Variants in MARCHF1 observed in about 807,000 individuals in gnomAD.
MARCHF1 encodes E3 ubiquitin-protein ligase MARCHF1.
MARCHF1 carries 40 observed loss-of-function variants against 54.2 expected under a neutral mutation model. The ratio of observed to expected loss-of-function variants is 0.74; its 90% CI spans 0.57 to 0.96. MARCHF1 has a LOEUF of 0.96. Among genes scored for constraint, MARCHF1 ranks in the 40% least tolerant of loss-of-function variants. The pLI is 0.00. For missense variants in MARCHF1, 586 were observed against 656.5 expected, an observed-to-expected ratio of 0.89 and a Z score of 1.17; for synonymous variants, 236 against 236.3, an observed-to-expected ratio of 1.00 and a Z score of 0.01.
chr4:164,027,943 A>C (rs985445823), intron 2 of MARCHF1, among the ~76,000 whole-genome samples: 13 of 152,166 alleles, frequency 8.5e-5, no homozygotes, highest in African/African-American at 3.1e-4. Flanking sequence ...AACACTTCTC[A>C]AAAAAAGACA....
chr4:163,689,141 A>C (rs914325278), intron 5 of MARCHF1, among the ~76,000 whole-genome samples: 1 of 152,212 alleles, frequency 6.6e-6, no homozygotes, highest in Admixed American at 6.5e-5. Context: ...TACCACAGTT[A>C]CAACAATTAG....
intron 4 of MARCHF1, among the ~76,000 whole-genome samples, chr4:163,773,507 G>A (rs1413422396): frequency 1.3e-5 from 2 of 152,156 alleles, no homozygotes; most frequent in African/African-American, 2.4e-5. Flanking sequence ...GGGCTATAAG[G>A]CAAATGCTGT....
intron 1 of MARCHF1, among the ~76,000 whole-genome samples, chr4:164,313,016 GA>G (rs76503141): frequency 0.14 from 21,838 of 150,752 alleles, 2,407 homozygotes; most frequent in East Asian, 0.42. Context: ...GTCTTTCTCT[GA>G]AAAAAATCAA....
At chr4:164,211,632 A>G (rs1216514244) in intron 1 of MARCHF1, among the ~76,000 whole-genome samples, 2 of 152,060 alleles carry the variant, frequency 1.3e-5, no homozygotes, top group Admixed American at 6.6e-5. Flanking sequence ...CCTGGGTACT[A>G]GAACTGTAGA....
chr4:163,545,768 A>T, intron 8 of MARCHF1, 25 bp from the exon 9 acceptor site: 1 of 1,607,768 alleles, frequency 6.2e-7, no homozygotes, highest in Non-Finnish European at 8.5e-7. Flanking sequence ...GAAGGACACA[A>T]AACTGAATTG....
intron 1 of MARCHF1, among the ~76,000 whole-genome samples, chr4:164,115,515 T>C (rs375261984): frequency 7.9e-5 from 12 of 152,092 alleles, no homozygotes; most frequent in East Asian, 5.8e-4. Flanking sequence ...AACTTGATAA[T>C]ATTGTGAAAG....
intron 1 of MARCHF1, among the ~76,000 whole-genome samples, chr4:164,250,234 T>C (rs1353921796): frequency 1.3e-5 from 2 of 152,052 alleles, no homozygotes; most frequent in African/African-American, 4.8e-5. Context: ...AGAATGTCAA[T>C]GGAGAGAATA....
At chr4:164,277,068 T>C (rs113324220) in intron 1 of MARCHF1, among the ~76,000 whole-genome samples, 4 of 151,854 alleles carry the variant, frequency 2.6e-5, no homozygotes, top group Non-Finnish European at 5.9e-5. Flanking sequence ...TGCTTCATCA[T>C]GCCTGTTTGC....
intron 5 of MARCHF1, among the ~76,000 whole-genome samples, chr4:163,644,772 G>T (rs1450153042): frequency 6.6e-6 from 1 of 152,164 alleles, no homozygotes; most frequent in Non-Finnish European, 1.5e-5. Context: ...GACCTGAAAG[G>T]TCCATAGATG....
chr4:163,984,789 C>A lies in MARCHF1; in HGVS notation c.-39+3712G>T, dbSNP rs545898571. Reference sequence around the variant, plus strand: ...AGCATAGTAAGTGGTGTTCACATATCTAAAAAAGAAGAATGAATTAATAGA... The same window carrying A: ...AGCATAGTAAGTGGTGTTCACATATATAAAAAAGAAGAATGAATTAATAGA... On this transcript the variant is annotated intron_variant, in intron 3 of 9. Coordinates refer to ENST00000514618, the MANE Select transcript of MARCHF1 (RefSeq NM_001394959.1). Among the ~76,000 whole-genome samples, 6 of 151,894 alleles carry A rather than the reference C, an allele frequency of 4.0e-5. No individual in the cohort carries two copies. The South Asian group carries it at 1.2e-3, about 32-fold the overall frequency.
At chr4:163,922,993 A>T (rs1053795760) in intron 3 of MARCHF1, among the ~76,000 whole-genome samples, 4 of 152,218 alleles carry the variant, frequency 2.6e-5, no homozygotes, top group African/African-American at 9.6e-5. Context: ...AAAAATTGTC[A>T]AAGAATTAGA....
intron 1 of MARCHF1, among the ~76,000 whole-genome samples, chr4:164,204,174 C>T (rs1340575897): frequency 1.3e-5 from 2 of 151,996 alleles, no homozygotes; most frequent in Non-Finnish European, 2.9e-5. Flanking sequence ...AAGTACGTGG[C>T]GTGAAGTCTC....
intron 3 of MARCHF1, among the ~76,000 whole-genome samples, chr4:163,932,123 A>G (rs1453124555): frequency 1.3e-5 from 2 of 152,214 alleles, no homozygotes; most frequent in Non-Finnish European, 2.9e-5. Context: ...TAAAAAGAAA[A>G]AAAAAAAGCT....
In MARCHF1 at chr4:163,707,986, T is replaced by A. The variant is rs1034931825; in HGVS notation, c.112-7123A>T. Among the ~76,000 whole-genome samples, 9 of 151,968 alleles carry A rather than the reference T, an allele frequency of 5.9e-5. No homozygotes were observed. In the East Asian group the frequency reaches 1.6e-3, roughly 26 times the overall value. On this transcript the variant is annotated intron_variant, in intron 4 of 9. Transcript: ENST00000514618. ...GCACAGAGGGGGGCCACAGGGAAAC[T>A]AGAAGGCTAGAAAAGGAAAACAGGA...
At chr4:164,121,920 A>C (rs1756075269) in intron 1 of MARCHF1, among the ~76,000 whole-genome samples, 1 of 152,262 alleles carries the variant, frequency 6.6e-6, no homozygotes, top group South Asian at 2.1e-4. Flanking sequence ...AATATCTCTG[A>C]TGAATATTGA....
At chr4:163,953,397 A>T (rs573764840) in intron 3 of MARCHF1, among the ~76,000 whole-genome samples, 1 of 152,258 alleles carries the variant, frequency 6.6e-6, no homozygotes, top group East Asian at 1.9e-4. Flanking sequence ...CAAGCCATTC[A>T]TGGGGCTGTC....
chr4:163,928,999 G>A (rs1227768338), intron 3 of MARCHF1, among the ~76,000 whole-genome samples: 1 of 151,824 alleles, frequency 6.6e-6, no homozygotes, highest in Non-Finnish European at 1.5e-5. Flanking sequence ...TTTGAATAGA[G>A]AGAAAAAATA....
At chr4:163,867,451 T>C (rs918007348) in intron 3 of MARCHF1, among the ~76,000 whole-genome samples, 1 of 151,786 alleles carries the variant, frequency 6.6e-6, no homozygotes, top group African/African-American at 2.4e-5. Context: ...TGGACACACA[T>C]ATCCATAATA....
chr4:164,350,413 G>C (rs1192409898), intron 1 of MARCHF1, among the ~76,000 whole-genome samples: 1 of 152,052 alleles, frequency 6.6e-6, no homozygotes, highest in African/African-American at 2.4e-5. Context: ...AGCTAGATAA[G>C]AGGAATAAGT....
Sources: allele counts gnomAD v4.1 joint callset (sites outside exome capture counted in the v4.1 genomes callset), GRCh38; gene constraint gnomAD v4.1.1; transcripts MANE v1.5; gene names NCBI Gene and HGNC (gene_info 2026-07-23, HGNC 2026-07-21).